Variants in DPP6 observed in about 807,000 individuals in gnomAD.
The protein encoded by DPP6 is dipeptidyl peptidase like 6.
In DPP6, 69 loss-of-function variants were observed where a neutral mutation model predicts 122.6. The observed-to-expected ratio is 0.56, with a 90% confidence interval of 0.46 to 0.69. The LOEUF is 0.69. DPP6 is among the 30% of genes least tolerant of loss of function. The pLI is 0.00. For missense variants in DPP6, 928 were observed against 1,116.9 expected (o/e 0.83, Z 2.41); for synonymous variants, 418 against 433.1 (o/e 0.97, Z 0.43).
chr7:154,769,541 C>T lies in DPP6; in HGVS notation c.1008C>T (p.Tyr336=). ...TCCCAACTTACACCGGCTCCATCTACCCCACCGTGAAGCCCTACCACTATC... is the reference window on the plus strand; with the variant it reads ...TCCCAACTTACACCGGCTCCATCTATCCCACCGTGAAGCCCTACCACTATC... The part of the protein sequence containing the change: ...MELPTYTGSI[Y]PTVKPYHYPK... The change falls in exon 9 of 26, where the codon TAC becomes TAT. Residue 336 remains tyrosine (Y), a synonymous_variant. Coordinates refer to ENST00000377770, the MANE Select transcript of DPP6 (RefSeq NM_130797.4). 1 of 1,611,954 alleles carries T rather than the reference C, an allele frequency of 6.2e-7. No homozygotes were observed. Among genetic ancestry groups the T allele is most frequent in the Non-Finnish European group, 8.5e-7 (1 of 1,178,642 alleles).
At chr7:154,139,872 C>T (rs1245392514) in intron 1 of DPP6, among the ~76,000 whole-genome samples, 1 of 152,198 alleles carries the variant, frequency 6.6e-6, no homozygotes, top group African/African-American at 2.4e-5. Flanking sequence ...TTATGCAGCT[C>T]TCACAGCCAG....
intron 16 of DPP6, among the ~76,000 whole-genome samples, chr7:154,812,676 G>A (rs1302898954): frequency 6.6e-6 from 1 of 152,128 alleles, no homozygotes; most frequent in African/African-American, 2.4e-5. Context: ...CCATCACGTT[G>A]GAGGTTAGGA....
chr7:153,955,508 G>A (rs557234144), intron 1 of DPP6, among the ~76,000 whole-genome samples: 162 of 152,042 alleles, frequency 1.1e-3, no homozygotes, highest in African/African-American at 3.7e-3. Context: ...GTGCAATCTC[G>A]GCTCACTGCA....
At chr7:154,612,887 A>G (rs777979830) in intron 5 of DPP6, among the ~76,000 whole-genome samples, 1 of 152,060 alleles carries the variant, frequency 6.6e-6, no homozygotes. Flanking sequence ...ACTGTAACAA[A>G]TTACCATAGA....
chr7:154,231,890 C>T (rs535880281), intron 1 of DPP6, among the ~76,000 whole-genome samples: 7 of 152,246 alleles, frequency 4.6e-5, no homozygotes, highest in African/African-American at 1.4e-4. Flanking sequence ...TGAGGTCAAC[C>T]GGCTTCCTTG....
intron 1 of DPP6, among the ~76,000 whole-genome samples, chr7:154,155,456 G>A (rs12536388): frequency 0.073 from 11,131 of 152,194 alleles, 474 homozygotes; most frequent in Middle Eastern, 0.14. Context: ...TTAGGGTCCA[G>A]GCCACAGAGG....
At chr7:154,778,055 CCT>C (rs1037985594) in intron 10 of DPP6, among the ~76,000 whole-genome samples, 9 of 152,202 alleles carry the variant, frequency 5.9e-5, no homozygotes, top group Admixed American at 5.9e-4. Context: ...GCCCTCGCCA[CCT>C]CATAGGCACT....
intron 1 of DPP6, among the ~76,000 whole-genome samples, chr7:154,338,757 C>T (rs1048550010): frequency 2.0e-5 from 3 of 152,236 alleles, no homozygotes; most frequent in African/African-American, 7.2e-5. Flanking sequence ...CAACCATTCT[C>T]ACACTGAATG....
rs562615350 is a variant in DPP6 at position 154,827,384 on chromosome 7, A to G, written c.1666+20272A>G. Among the ~76,000 whole-genome samples, 10 of 151,282 alleles carry G rather than the reference A, an allele frequency of 6.6e-5. No individual in the cohort carries two copies. In the South Asian group the frequency reaches 2.1e-3, roughly 32 times the overall value. On this transcript the variant is annotated intron_variant, in intron 16 of 25. Coordinates refer to ENST00000377770, the MANE Select transcript of DPP6 (RefSeq NM_130797.4). ...TGACCAATTCAGTCTCAAAGCCTTTAGCTGGGTGAAGACAGGTGGGCATCT... is the reference window on the plus strand; with the variant it reads ...TGACCAATTCAGTCTCAAAGCCTTTGGCTGGGTGAAGACAGGTGGGCATCT...
intron 1 of DPP6, among the ~76,000 whole-genome samples, chr7:154,358,762 A>G (rs771421494): frequency 6.6e-6 from 1 of 152,178 alleles, no homozygotes; most frequent in South Asian, 2.1e-4. Flanking sequence ...CTGGAATGCA[A>G]TGACGTGATC....
At chr7:153,945,345 A>G (rs1209299815) in intron 1 of DPP6, among the ~76,000 whole-genome samples, 1 of 152,178 alleles carries the variant, frequency 6.6e-6, no homozygotes. Flanking sequence ...ACCAATTAAT[A>G]TATTTCTAAT....
At position 154,814,170 on chromosome 7, in the gene DPP6, C is replaced by T. The variant is rs537902206; in HGVS notation, c.1666+7058C>T. Among the ~76,000 whole-genome samples the T allele has an allele frequency of 5.9e-5, 9 of 152,186 alleles. No individual in the cohort carries two copies. The South Asian group carries it at 1.2e-3, about 21-fold the overall frequency. ...TACTGGGATTACAGGCTTTGAGCCA[C>T]GGTGCCTGGCCTGAAAAGTACATTT... On this transcript the variant is annotated intron_variant, in intron 16 of 25. Coordinates refer to ENST00000377770, the MANE Select transcript of DPP6 (RefSeq NM_130797.4).
chr7:154,398,998 C>G (rs1815339301), intron 1 of DPP6, among the ~76,000 whole-genome samples: 1 of 152,176 alleles, frequency 6.6e-6, no homozygotes, highest in Non-Finnish European at 1.5e-5. Flanking sequence ...TTTATGTAAG[C>G]TGTTGGAGCA....
At chr7:153,805,997 A>G in the DPP6 span, among the ~76,000 whole-genome samples, 2 of 137,912 alleles carry the variant, frequency 1.5e-5, no homozygotes, top group East Asian at 2.1e-4. Context: ...AACTTAAAGT[A>G]TAATAAAAAA....
At chr7:154,207,812 G>A (rs896409641) in intron 1 of DPP6, among the ~76,000 whole-genome samples, 16 of 152,036 alleles carry the variant, frequency 1.1e-4, no homozygotes, top group African/African-American at 3.4e-4. Context: ...TAACGTAGCC[G>A]GATGCGATGG....
At chr7:153,758,467 G>A in the DPP6 span, among the ~76,000 whole-genome samples, 8 of 151,924 alleles carry the variant, frequency 5.3e-5, no homozygotes, top group Non-Finnish European at 1.0e-4. Flanking sequence ...ATGAGCATAT[G>A]TGCCATTCCC....
chr7:153,890,206 A>G (rs1174639221), intron 1 of DPP6, among the ~76,000 whole-genome samples: 1 of 152,276 alleles, frequency 6.6e-6, no homozygotes, highest in Non-Finnish European at 1.5e-5. Context: ...GTGAACCCAC[A>G]TACACACAGA....
At chr7:153,948,612 TTTTTTTA>T (rs1418624534) in intron 1 of DPP6, among the ~76,000 whole-genome samples, 3 of 109,008 alleles carry the variant, frequency 2.8e-5, no homozygotes, top group Non-Finnish European at 5.9e-5. Flanking sequence ...TTCCTCACTG[TTTTTTTA>T]TTTTTATTTT....
intron 1 of DPP6, among the ~76,000 whole-genome samples, chr7:154,180,117 G>A (rs138700555): frequency 6.6e-6 from 1 of 152,156 alleles, no homozygotes; most frequent in African/African-American, 2.4e-5. Flanking sequence ...AGAAGCTGAG[G>A]CAAGTGGATC....
Sources: allele counts gnomAD v4.1 joint callset (sites outside exome capture counted in the v4.1 genomes callset), GRCh38; gene constraint gnomAD v4.1.1; transcripts MANE v1.5; gene names NCBI Gene and HGNC (gene_info 2026-07-23, HGNC 2026-07-21).